MLLT3: variants seen among roughly 807,000 people sequenced by gnomAD.
MLLT3 encodes the protein MLLT3 super elongation complex subunit.
A neutral mutation model predicts 53.2 loss-of-function variants in MLLT3; 4 were observed. That is an observed-to-expected ratio of 0.08 (90% confidence interval 0.04 to 0.17). MLLT3 has a LOEUF of 0.17. Among genes scored for constraint, MLLT3 ranks in the 10% least tolerant of loss-of-function variants. The pLI, the probability that MLLT3 is intolerant of heterozygous loss-of-function variation, is 1.00. For missense variants in MLLT3, 569 were observed against 684.0 expected (o/e 0.83, Z 1.87); for synonymous variants, 283 against 230.6 (o/e 1.23, Z -2.06).
chr9:20,612,527 C>G (rs1241922665), intron 2 of MLLT3, among the ~76,000 whole-genome samples: 1 of 151,634 alleles, frequency 6.6e-6, no homozygotes, highest in Non-Finnish European at 1.5e-5. Context: ...CAAAAAGATA[C>G]CATAAATCAA....
At chr9:20,413,684 A>G in intron 5 of MLLT3, 37 bp downstream of exon 5, 2 of 1,495,868 alleles carry the variant, frequency 1.3e-6, no homozygotes, top group South Asian at 2.7e-5. Flanking sequence ...AAATCTGAAA[A>G]TAAGGGAAAG....
chr9:20,557,321 C>T (rs976985462), intron 2 of MLLT3, among the ~76,000 whole-genome samples: 1 of 152,006 alleles, frequency 6.6e-6, no homozygotes, highest in African/African-American at 2.4e-5. Context: ...TCAAAATCTG[C>T]CTCTACAATT....
At chr9:20,434,969 T>C (rs1201348846) in intron 4 of MLLT3, among the ~76,000 whole-genome samples, 2 of 152,186 alleles carry the variant, frequency 1.3e-5, no homozygotes, top group African/African-American at 2.4e-5. Context: ...TTTACACACA[T>C]GCACTTTGAT....
intron 2 of MLLT3, among the ~76,000 whole-genome samples, chr9:20,459,399 A>G (rs977695006): frequency 6.6e-6 from 1 of 152,218 alleles, no homozygotes; most frequent in Non-Finnish European, 1.5e-5. Flanking sequence ...AACACTGGAG[A>G]CAAGTGAGAG....
At chr9:20,384,231 T>C (rs928662286) in intron 5 of MLLT3, among the ~76,000 whole-genome samples, 2 of 152,058 alleles carry the variant, frequency 1.3e-5, no homozygotes. Flanking sequence ...TATTTGTCTG[T>C]AGTTTTTGCT....
At position 20,374,770 on chromosome 9, in the gene MLLT3, A is replaced by G. The variant is rs545554387; in HGVS notation, c.1126-9026T>C. ...ATGTATTTTTGTGTAGCTCTATCAT[A>G]TTCCTTATTTCATTTGCACTACCAC... is the stretch of plus-strand genomic sequence containing the variant. On this transcript the variant is annotated intron_variant, in intron 5 of 10. Coordinates refer to ENST00000380338, the MANE Select transcript of MLLT3 (RefSeq NM_004529.4). Among the ~76,000 whole-genome samples the G allele has an allele frequency of 9.2e-4, 140 of 152,328 alleles. 1 individual carries two copies. The South Asian group carries it at 0.028, about 30-fold the overall frequency.
intron 5 of MLLT3, among the ~76,000 whole-genome samples, chr9:20,373,050 T>C (rs910190065): frequency 6.6e-6 from 1 of 152,166 alleles, no homozygotes; most frequent in African/African-American, 2.4e-5. Context: ...TGCTGAAGTA[T>C]CTTAATTCTA....
intron 4 of MLLT3, among the ~76,000 whole-genome samples, chr9:20,437,663 G>A (rs1405965818): frequency 6.6e-6 from 1 of 152,240 alleles, no homozygotes; most frequent in East Asian, 1.9e-4. Context: ...CCCATATGAA[G>A]AGCCAAATCA....
intron 2 of MLLT3, among the ~76,000 whole-genome samples, chr9:20,486,090 C>A (rs2118913595): frequency 6.6e-6 from 1 of 152,188 alleles, no homozygotes; most frequent in East Asian, 1.9e-4. Context: ...CATCCATTTC[C>A]TGAAATAAAA....
chr9:20,597,602 A>G (rs1448097770), intron 2 of MLLT3, among the ~76,000 whole-genome samples: 1 of 152,232 alleles, frequency 6.6e-6, no homozygotes, highest in East Asian at 1.9e-4. Context: ...AGATTCTTCC[A>G]TAACTCTTCT....
chr9:20,499,810 G>T (rs964461015), intron 2 of MLLT3, among the ~76,000 whole-genome samples: 2 of 152,128 alleles, frequency 1.3e-5, no homozygotes, highest in Non-Finnish European at 1.5e-5. Context: ...TCCTCCTGTA[G>T]TCCCAGCTAC....
Position 20,580,035 on chromosome 9 carries a change from A to T in MLLT3, c.193+40619T>A, listed in dbSNP as rs568841763. 2.6e-5 allele frequency among the ~76,000 whole-genome samples: 4 copies of T among 152,304 alleles called. No individual in the cohort carries two copies. In the East Asian group the frequency reaches 7.7e-4, roughly 29 times the overall value. On this transcript the variant is annotated intron_variant, in intron 2 of 10. Transcript: ENST00000380338. ...GTTACACTAAACAGGCCCATTAAAT[A>T]AAGAAAGCCATAGCTTCTTACCACC...
At chr9:20,564,844 T>A (rs1263595969) in intron 2 of MLLT3, among the ~76,000 whole-genome samples, 1 of 151,086 alleles carries the variant, frequency 6.6e-6, no homozygotes, top group Non-Finnish European at 1.5e-5. Context: ...TGTGAAAACC[T>A]CCACTTCCCC....
intron 2 of MLLT3, among the ~76,000 whole-genome samples, chr9:20,583,933 G>A (rs1245355287): frequency 6.6e-6 from 1 of 152,138 alleles, no homozygotes; most frequent in Non-Finnish European, 1.5e-5. Context: ...TCTGTAGAGG[G>A]CTTGAATTTC....
At chr9:20,546,982 C>T (rs1234791224) in intron 2 of MLLT3, among the ~76,000 whole-genome samples, 1 of 152,162 alleles carries the variant, frequency 6.6e-6, no homozygotes, top group Non-Finnish European at 1.5e-5. Context: ...GGATTCTTCC[C>T]CGTATATAAG....
At chr9:20,402,989 G>A (rs1039125841) in intron 5 of MLLT3, among the ~76,000 whole-genome samples, 4 of 152,138 alleles carry the variant, frequency 2.6e-5, no homozygotes, top group Non-Finnish European at 4.4e-5. Flanking sequence ...AACTCACTAG[G>A]AACCACTTTA....
chr9:20,524,976 A>C (rs775395551), intron 2 of MLLT3, among the ~76,000 whole-genome samples: 87 of 152,258 alleles, frequency 5.7e-4, no homozygotes, highest in Middle Eastern at 6.8e-3. Context: ...CAACATCCTC[A>C]GCATTCAGGA....
intron 5 of MLLT3, among the ~76,000 whole-genome samples, chr9:20,385,201 G>A (rs1051549232): frequency 3.3e-5 from 5 of 152,012 alleles, no homozygotes; most frequent in Non-Finnish European, 7.4e-5. Context: ...AACTCCTAAA[G>A]CTGGAAATTC....
At chr9:20,606,616 T>A (rs1820577954) in intron 2 of MLLT3, among the ~76,000 whole-genome samples, 1 of 152,018 alleles carries the variant, frequency 6.6e-6, no homozygotes, top group African/African-American at 2.4e-5. Context: ...GGAGGTGGAG[T>A]TAGGAAAAAT....
Sources: allele counts gnomAD v4.1 joint callset (sites outside exome capture counted in the v4.1 genomes callset), GRCh38; gene constraint gnomAD v4.1.1; transcripts MANE v1.5; gene names NCBI Gene and HGNC (gene_info 2026-07-23, HGNC 2026-07-21).